Variants in DIPK1C observed in about 807,000 individuals in gnomAD.
DIPK1C encodes divergent protein kinase domain 1C.
In DIPK1C, 33 loss-of-function variants were observed where a neutral mutation model predicts 28.0. The observed-to-expected ratio is 1.18, with a 90% CI of 0.89 to 1.58. The LOEUF (loss-of-function observed/expected upper bound fraction) is 1.58, where lower values mean the gene tolerates loss of function less well. Among genes scored for constraint, DIPK1C ranks in the 40% most tolerant of loss-of-function variants. The probability of loss-of-function intolerance (pLI) is 0.00; values close to 1 mark genes in which losing one functional copy is unlikely to be tolerated. For missense variants in DIPK1C, 569 were observed against 568.5 expected, an observed-to-expected ratio of 1.00 and a Z score of -0.01; for synonymous variants, 255 against 248.8, an observed-to-expected ratio of 1.02 and a Z score of -0.23.
At position 74,446,991 on chromosome 18, in the gene DIPK1C, G is replaced by A; in HGVS notation, c.491C>T (p.Ser164Phe). 1 of 1,526,268 alleles carries A rather than the reference G, an allele frequency of 6.6e-7. No homozygotes were observed. Among genetic ancestry groups the A allele is most frequent in the Non-Finnish European group, 8.8e-7 (1 of 1,131,384 alleles). 94.5% of individuals were successfully genotyped at this position (1,526,268 alleles called of 1,614,324 possible). ...CCACCACGGCCCCAGGCTGCTGTTGGACAACTCCAGGCCCAGAGCGCTCTT... is the reference window on the plus strand; with the variant it reads ...CCACCACGGCCCCAGGCTGCTGTTGAACAACTCCAGGCCCAGAGCGCTCTT... ...EVKSALGLEL[S>F]NSSLGPWWPG... Residue 164 changes from serine (S) to phenylalanine (F), a missense_variant, in exon 2 of 4, where the codon TCC (serine) becomes TTC (phenylalanine). Ser to Phe is a radical substitution (Grantham distance 155). Coordinates refer to ENST00000343998, the MANE Select transcript of DIPK1C (RefSeq NM_001044369.3).
the DIPK1C span, among the ~76,000 whole-genome samples, chr18:74,463,664 A>G: frequency 9.8e-5 from 15 of 152,302 alleles, no homozygotes; most frequent in African/African-American, 3.6e-4. Context: ...GCGAAAGCAC[A>G]ACGCAGGGGA....
intron 1 of DIPK1C, among the ~76,000 whole-genome samples, chr18:74,453,030 A>G (rs913909731): frequency 2.6e-5 from 4 of 152,244 alleles, no homozygotes; most frequent in African/African-American, 7.2e-5. Context: ...TTAAAATTTA[A>G]TAACATTTGC....
rs147744101 is a variant in DIPK1C at position 74,436,193 on chromosome 18, C to G, written c.*308G>C. On this transcript the variant is annotated 3_prime_UTR_variant, in exon 4 of 4. Transcript: ENST00000343998. ...CAGCTGGAACTCGTGCTGGGATAAC[C>G]AGGTACAAGTGCTCTCTGCAGAGAA... The G allele has an allele frequency of 5.3e-4, 195 of 370,670 alleles. 3 individuals carry two copies. The highest frequency in any genetic ancestry group is 3.1e-3 in the African/African-American group (153 of 48,808). The allele number at this position is 370,670 out of a possible 1,614,324, so 23.0% of individuals were successfully genotyped here.
intron 1 of DIPK1C, among the ~76,000 whole-genome samples, chr18:74,456,740 C>G (rs1366256823): frequency 6.6e-6 from 1 of 152,238 alleles, no homozygotes; most frequent in Non-Finnish European, 1.5e-5. Context: ...TCCCTGGACA[C>G]TCGGATCAGA....
At position 74,441,943 on chromosome 18, in the gene DIPK1C, C is replaced by T; in HGVS notation, c.1041+9G>A. 6.2e-7 allele frequency: 1 copy of T among 1,610,560 alleles called. No individual in the cohort carries two copies. ...CCTCTCCTCCCCCAGCCCTGGCGGA[C>T]TCTCATACCTGCAGGTTGTTGTTTA... On this transcript the variant is annotated intron_variant, in intron 3 of 3. Transcript: ENST00000343998.
chr18:74,459,489 G>GAGA (rs2144537673), upstream of DIPK1C, among the ~76,000 whole-genome samples: 1 of 152,352 alleles, frequency 6.6e-6, no homozygotes, highest in East Asian at 1.9e-4. Flanking sequence ...AGCTTAGGTT[G>GAGA]ATACCACAGG....
intron 1 of DIPK1C, among the ~76,000 whole-genome samples, chr18:74,448,021 G>A (rs1191799388): frequency 5.3e-5 from 8 of 152,088 alleles, no homozygotes; most frequent in Admixed American, 6.5e-5. Context: ...CGGATGGGGT[G>A]TTTCTCCTAA....
chr18:74,439,394 A>G (rs982391112), intron 3 of DIPK1C, among the ~76,000 whole-genome samples: 1 of 152,306 alleles, frequency 6.6e-6, no homozygotes, highest in East Asian at 1.9e-4. Flanking sequence ...CTTGGTCTAC[A>G]AGGCCCCCTT....
intron 2 of DIPK1C, among the ~76,000 whole-genome samples, chr18:74,444,762 G>T (rs1986221423): frequency 2.0e-5 from 3 of 152,180 alleles, no homozygotes; most frequent in Non-Finnish European, 2.9e-5. Context: ...TTCTTGTCCA[G>T]GCCAAGGCTG....
intron 1 of DIPK1C, among the ~76,000 whole-genome samples, chr18:74,454,974 C>T (rs1169378422): frequency 3.3e-5 from 5 of 152,142 alleles, no homozygotes; most frequent in Admixed American, 6.5e-5. Flanking sequence ...CAAACCAGTT[C>T]GTGGAGACAG....
rs564310541 is a variant in DIPK1C, at chr18:74,448,528, C to T, written c.199-1245G>A. Among the ~76,000 whole-genome samples, 51 of 152,170 alleles carry T rather than the reference C, an allele frequency of 3.4e-4. 1 individual carries two copies. Among genetic ancestry groups the T allele is most frequent in the Non-Finnish European group, 5.6e-4 (38 of 68,032 alleles). ...GAGCTTGGATTCCATGGTCTAACCA[C>T]GCTGCCACATCCTTACCTGCTCTGG... On this transcript the variant is annotated intron_variant, in intron 1 of 3. Coordinates refer to ENST00000343998, the MANE Select transcript of DIPK1C (RefSeq NM_001044369.3).
intron 3 of DIPK1C, among the ~76,000 whole-genome samples, chr18:74,440,876 T>C (rs1452499994): frequency 2.6e-5 from 4 of 152,210 alleles, no homozygotes; most frequent in Non-Finnish European, 5.9e-5. Context: ...TTAAAGAGGC[T>C]GGGATGGAGA....
chr18:74,446,860 G>A lies in DIPK1C; in HGVS notation c.622C>T (p.His208Tyr), dbSNP rs1986276737. The change falls in exon 2 of 4, where the codon CAC becomes TAC. Residue 208 changes from histidine to tyrosine, a missense_variant. By Grantham distance (83) the His-to-Tyr change is moderately conservative. Coordinates refer to ENST00000343998, the MANE Select transcript of DIPK1C (RefSeq NM_001044369.3). ...CAGGAACCCAGCACGGGCAGCACGT[G>A]TGGGCTCAGGTCCTGCAGCAGGCTG... Reference protein sequence around the residue: ...YFSLLQDLSPHVLPVLGSCGH... With the variant: ...YFSLLQDLSPYVLPVLGSCGH... 1 of 1,515,852 alleles carries A rather than the reference G, an allele frequency of 6.6e-7. No individual in the cohort carries two copies. The highest frequency in any genetic ancestry group is 8.9e-7 in the Non-Finnish European group (1 of 1,127,448). The allele number at this position is 1,515,852 out of a possible 1,614,324, so 93.9% of individuals were successfully genotyped here.
intron 3 of DIPK1C, among the ~76,000 whole-genome samples, chr18:74,437,198 A>G (rs1986017550): frequency 6.6e-6 from 1 of 152,202 alleles, no homozygotes; most frequent in Non-Finnish European, 1.5e-5. Context: ...CGGGCTGTCC[A>G]GAGGGCCAAA....
intron 3 of DIPK1C, among the ~76,000 whole-genome samples, chr18:74,437,282 A>G (rs911108906): frequency 2.6e-5 from 4 of 152,242 alleles, no homozygotes; most frequent in African/African-American, 9.6e-5. Context: ...AAACAAAGGC[A>G]TATTTGACAG....
intron 1 of DIPK1C, among the ~76,000 whole-genome samples, chr18:74,455,049 A>ACTGC (rs1986476461): frequency 6.6e-6 from 1 of 152,148 alleles, no homozygotes; most frequent in East Asian, 1.9e-4. Context: ...AATAGGAAAG[A>ACTGC]CTGCCAAACC....
chr18:74,448,707 G>A (rs1480253706), intron 1 of DIPK1C, among the ~76,000 whole-genome samples: 1 of 152,196 alleles, frequency 6.6e-6, no homozygotes, highest in Non-Finnish European at 1.5e-5. Context: ...ATCAGATACT[G>A]CCCAGCCTCG....
At chr18:74,463,290 G>A in the DIPK1C span, among the ~76,000 whole-genome samples, 12 of 152,148 alleles carry the variant, frequency 7.9e-5, no homozygotes, top group African/African-American at 2.7e-4. Flanking sequence ...TTGCTGTTCC[G>A]TTTTGCGATG....
In DIPK1C at chr18:74,447,145, C is replaced by T. The variant is rs762337921; in HGVS notation, c.337G>A (p.Val113Met). ...GCCTCCTCCTTGGACTTGAGGACCA[C>T]GGGCCGGCCGCGCCAGTCGGCCTGC... ...VLQADWRGRP[V>M]VLKSKEEAFS... Residue 113 changes from valine to methionine, a missense_variant, in exon 2 of 4, where the codon GTG (valine) becomes ATG (methionine). Val to Met is a conservative substitution (Grantham distance 21). Coordinates refer to ENST00000343998, the MANE Select transcript of DIPK1C (RefSeq NM_001044369.3). The surrounding 1 kb of genome is among the most constrained non-coding windows in gnomAD (Gnocchi z 4.1). The T allele has an allele frequency of 2.8e-5, 43 of 1,550,448 alleles. No homozygotes were observed. The highest frequency in any genetic ancestry group is 1.7e-4 in the Middle Eastern group (1 of 6,014).
Sources: gnomAD v4.1 joint callset for allele counts (sites outside exome capture counted in the v4.1 genomes callset) on GRCh38, gnomAD v4.1.1 for gene constraint, Gnocchi (gnomAD v3.1) non-coding constraint, MANE v1.5 for transcripts, NCBI Gene and HGNC (gene_info 2026-07-23, HGNC 2026-07-21) for gene names.